Variants in SETDB2 observed in about 807,000 individuals in gnomAD.
SETDB2 encodes the protein SET domain bifurcated histone lysine methyltransferase 2.
Under a neutral mutation model 82.5 loss-of-function variants are expected in SETDB2, and 56 were observed. The ratio of observed to expected loss-of-function variants is 0.68; its 90% CI spans 0.55 to 0.85. The LOEUF (loss-of-function observed/expected upper bound fraction) is 0.85, where lower values mean the gene tolerates loss of function less well. SETDB2 is among the 40% of genes least tolerant of loss of function. SETDB2 has a pLI of 0.00. For missense variants in SETDB2, 677 were observed against 816.4 expected (o/e 0.83, Z 2.08); for synonymous variants, 272 against 284.9 (o/e 0.95, Z 0.46).
intron 2 of SETDB2, among the ~76,000 whole-genome samples, chr13:49,456,654 A>G (rs902223947): frequency 1.3e-5 from 2 of 152,198 alleles, no homozygotes; most frequent in Admixed American, 6.5e-5. Flanking sequence ...CATGCATACA[A>G]TGCCGAAAGA....
intron 2 of SETDB2, among the ~76,000 whole-genome samples, chr13:49,456,342 A>T (rs1405181411): frequency 6.6e-6 from 1 of 152,176 alleles, no homozygotes; most frequent in Non-Finnish European, 1.5e-5. Flanking sequence ...AAGACTGTCT[A>T]GAGTGAGATT....
At chr13:49,471,088 G>T (rs1188510305) in intron 5 of SETDB2, among the ~76,000 whole-genome samples, 1 of 148,658 alleles carries the variant, frequency 6.7e-6, no homozygotes, top group East Asian at 2.0e-4. Flanking sequence ...TTCCTCCTCA[G>T]ACTCTCAAGT....
chr13:49,487,797 C>A (rs994427952), intron 11 of SETDB2, among the ~76,000 whole-genome samples: 7 of 152,196 alleles, frequency 4.6e-5, no homozygotes, highest in African/African-American at 1.7e-4. Context: ...ATGTGCAAAA[C>A]CCCTAGCAAT....
chr13:49,454,074 A>G (rs1005923906), intron 2 of SETDB2, among the ~76,000 whole-genome samples: 1 of 152,120 alleles, frequency 6.6e-6, no homozygotes, highest in African/African-American at 2.4e-5. Flanking sequence ...CCCATCACCC[A>G]CCATCCATTT....
chr13:49,480,099 G>A (rs1210877850), intron 6 of SETDB2, 120 bp from the exon 7 acceptor site: 1 of 655,804 alleles, frequency 1.5e-6, no homozygotes, highest in African/African-American at 1.8e-5. Context: ...GTGTTCATGA[G>A]CCAAACTATT....
rs201750587 is a variant in SETDB2, at chr13:49,491,837, A to G, written c.2112A>G (p.Lys704=). 2 of 1,604,182 alleles carry G rather than the reference A, an allele frequency of 1.2e-6. No individual in the cohort carries two copies. The highest frequency in any genetic ancestry group is 8.5e-7 in the Non-Finnish European group (1 of 1,171,542). ...FCQCGVNKCR[K]KIL The stretch of plus-strand genomic sequence containing the variant: ...AATGTGGGGTTAATAAATGTAGAAA[A>G]AAAATATTATAAATATGTAACTAAC... The change falls in exon 14 of 14, where the codon AAA becomes AAG. Residue 704 remains lysine, a synonymous_variant. Coordinates refer to ENST00000611815, the MANE Select transcript of SETDB2 (RefSeq NM_001160308.3).
intron 10 of SETDB2, among the ~76,000 whole-genome samples, chr13:49,483,783 A>G (rs1036854333): frequency 6.6e-6 from 1 of 151,882 alleles, no homozygotes; most frequent in Non-Finnish European, 1.5e-5. Context: ...GCACACCACC[A>G]TGCCCAGCTC....
intron 1 of SETDB2, chr13:49,445,731 C>T (rs1052740074): frequency 4.0e-5 from 6 of 150,320 alleles, no homozygotes; most frequent in African/African-American, 1.5e-4. Context: ...GAGTTCAAGA[C>T]CAGCCTGGCC....
chr13:49,482,381 G>A (rs1422774840), intron 8 of SETDB2: 27 of 933,734 alleles, frequency 2.9e-5, no homozygotes, highest in South Asian at 4.9e-5. Context: ...AGATGATAAC[G>A]CCTTTTTAAC....
chr13:49,488,706 A>C, intron 12 of SETDB2, 76 bp downstream of exon 12: 1 of 1,198,184 alleles, frequency 8.3e-7, no homozygotes, highest in East Asian at 2.4e-5. Context: ...TATGAGGAAA[A>C]TAAACAGACT....
intron 4 of SETDB2, among the ~76,000 whole-genome samples, chr13:49,466,290 T>G (rs1262822752): frequency 6.6e-6 from 1 of 151,938 alleles, no homozygotes; most frequent in Non-Finnish European, 1.5e-5. Flanking sequence ...TAAAAATCAG[T>G]CAGGTGTGGA....
chr13:49,444,653 G>A lies in SETDB2; in HGVS notation c.-546G>A, dbSNP rs1199599396. ...CAGCCTCCCTTCTCCTGGCACCCAA[G>A]TGCAGTCCTGGCTGCAGAAGGGGCC... On this transcript the variant is annotated 5_prime_UTR_variant, in exon 1 of 14. The change creates a new upstream start codon in the 5' untranslated region. Coordinates refer to ENST00000611815, the MANE Select transcript of SETDB2 (RefSeq NM_001160308.3). 6.5e-6 allele frequency: 1 copy of A among 154,884 alleles called. No homozygotes were observed. The highest frequency in any genetic ancestry group is 1.4e-5 in the Non-Finnish European group (1 of 69,474). 9.6% of individuals were successfully genotyped at this position (154,884 alleles called of 1,614,324 possible). A position where few individuals can be genotyped will look rare whatever the true frequency, so the allele number is the denominator to read the frequency against.
At chr13:49,451,933 C>A in intron 2 of SETDB2, 24 bp downstream of exon 2, 1 of 1,541,226 alleles carries the variant, frequency 6.5e-7, no homozygotes, top group Non-Finnish European at 8.9e-7. Flanking sequence ...CACACTGTTA[C>A]ACTTTATATC....
chr13:49,469,629 T>C (rs1307367892), intron 5 of SETDB2, among the ~76,000 whole-genome samples: 1 of 152,166 alleles, frequency 6.6e-6, no homozygotes, highest in African/African-American at 2.4e-5. Context: ...TTTTTAAAAA[T>C]CAGGGCAGCT....
At chr13:49,475,951 A>G (rs1382643493) in intron 5 of SETDB2, among the ~76,000 whole-genome samples, 1 of 152,212 alleles carries the variant, frequency 6.6e-6, no homozygotes, top group Non-Finnish European at 1.5e-5. Flanking sequence ...TGATGAATTA[A>G]TAAGTTTTCA....
chr13:49,446,121 C>T (rs1040844866), intron 1 of SETDB2, among the ~76,000 whole-genome samples: 3 of 151,944 alleles, frequency 2.0e-5, no homozygotes, highest in Non-Finnish European at 4.4e-5. Flanking sequence ...TAGAACCTTT[C>T]TGGAAGAGAG....
chr13:49,480,137 T>C, intron 6 of SETDB2, 82 bp from the exon 7 acceptor site: 1 of 850,974 alleles, frequency 1.2e-6, no homozygotes, highest in South Asian at 1.7e-5. Flanking sequence ...TTTTATTACA[T>C]CATTTACACA....
intron 3 of SETDB2, among the ~76,000 whole-genome samples, chr13:49,460,734 C>T (rs531743753): frequency 8.5e-5 from 13 of 152,224 alleles, no homozygotes; most frequent in African/African-American, 2.4e-4. Flanking sequence ...TCAGGACATA[C>T]GGTTTTGAAG....
At position 49,493,691 on chromosome 13, in the gene SETDB2, G is replaced by A. The variant is rs1188496026; in HGVS notation, c.*1842G>A. 6.6e-6 allele frequency: 1 copy of A among 152,182 alleles called. No individual in the cohort carries two copies. The highest frequency in any genetic ancestry group is 1.5e-5 in the Non-Finnish European group (1 of 68,048). The allele number at this position is 152,182 out of a possible 1,614,324, so 9.4% of individuals were successfully genotyped here. A position where few individuals can be genotyped will look rare whatever the true frequency, so the allele number is the denominator to read the frequency against. ...TATTTTACCCTTATACCTGATTGCT[G>A]TTTTGGTTGGCAAGGTATAGGATTC... On this transcript the variant is annotated 3_prime_UTR_variant, in exon 14 of 14. Coordinates refer to ENST00000611815, the MANE Select transcript of SETDB2 (RefSeq NM_001160308.3).
Sources: gnomAD v4.1 joint callset for allele counts (sites outside exome capture counted in the v4.1 genomes callset) on GRCh38, gnomAD v4.1.1 for gene constraint, MANE v1.5 for transcripts, NCBI Gene and HGNC (gene_info 2026-07-23, HGNC 2026-07-21) for gene names.